The following TRAP1 variants were observed in gnomAD, a reference collection of about 807,000 sequenced individuals.
TRAP1 encodes the protein TNF receptor associated protein 1.
In TRAP1, 102 loss-of-function variants were observed where a neutral mutation model predicts 89.1. The ratio of observed to expected loss-of-function variants is 1.15; its 90% CI spans 0.98 to 1.35. The LOEUF is 1.35. Ranked by LOEUF, TRAP1 falls within the 40% of genes most tolerant of loss-of-function variation. The pLI, the probability that TRAP1 is intolerant of heterozygous loss-of-function variation, is 0.00. For synonymous variants in TRAP1, 508 were observed against 388.0 expected (o/e 1.31, Z -3.64); for missense variants, 1,256 against 945.3 (o/e 1.33, Z -4.31).
intron 1 of TRAP1, among the ~76,000 whole-genome samples, chr16:3,712,647 G>A (rs1049532377): frequency 3.9e-5 from 6 of 152,012 alleles, no homozygotes; most frequent in East Asian, 1.9e-4. Flanking sequence ...TTGCACTGTC[G>A]CCCAGGAGGG....
chr16:3,665,843 GGCA>G (rs577251188), intron 12 of TRAP1, 125 bp downstream of exon 12: 623 of 1,201,114 alleles, frequency 5.2e-4, no homozygotes, highest in Admixed American at 1.9e-3. Flanking sequence ...TGACCCTGGT[GGCA>G]GCAGCAGCAG....
chr16:3,690,897 G>C lies in TRAP1; in HGVS notation c.177C>G (p.Phe59Leu), dbSNP rs767379047. The C allele has an allele frequency of 6.9e-6, 11 of 1,593,384 alleles. No homozygotes were observed. Among genetic ancestry groups the C allele is most frequent in the South Asian group, 1.1e-5 (1 of 88,258 alleles). The change falls in exon 2 of 18, where the codon TTC becomes TTG. Residue 59 changes from phenylalanine to leucine, a missense_variant. Physicochemically the swap from Phe to Leu is conservative, Grantham distance 22. Transcript: ENST00000246957. ...PAWSLQAGRL[F>L]STQTAEDKEE... ...CCTTGTCCTCGGCGGTCTGCGTGCT[G>C]AACAGTCGTCCTGCCTGCAAGCTCC...
intron 1 of TRAP1, among the ~76,000 whole-genome samples, chr16:3,697,629 A>G (rs1022318889): frequency 6.9e-6 from 1 of 144,978 alleles, no homozygotes; most frequent in African/African-American, 2.6e-5. Context: ...GCGCCACTGC[A>G]CTCCACCCTG....
At chr16:3,674,568 C>T in intron 8 of TRAP1, 74 bp from the exon 9 acceptor site, 1 of 1,548,984 alleles carries the variant, frequency 6.5e-7, no homozygotes. Context: ...CAGGCCTGAG[C>T]CAGTGCAGCG....
At chr16:3,663,625 G>A (rs1267626237) in intron 13 of TRAP1, 63 bp from the exon 14 acceptor site, 1 of 1,601,196 alleles carries the variant, frequency 6.2e-7, no homozygotes, top group Non-Finnish European at 8.5e-7. Context: ...CAGAAGAAAG[G>A]ATGAGGGCGG....
intron 1 of TRAP1, among the ~76,000 whole-genome samples, chr16:3,717,033 C>T (rs1463881295): frequency 6.6e-6 from 1 of 152,254 alleles, no homozygotes; most frequent in Non-Finnish European, 1.5e-5. Context: ...CACGATCACC[C>T]CGAGTGAGTC....
intron 5 of TRAP1, 146 bp downstream of exon 5, chr16:3,679,573 A>C (rs2051046964): frequency 2.5e-6 from 2 of 789,776 alleles, no homozygotes; most frequent in Non-Finnish European, 4.2e-6. Context: ...GATGGCTGTC[A>C]TGTCATGAGG....
chr16:3,663,821 C>T (rs1186058646), intron 13 of TRAP1: 4 of 481,024 alleles, frequency 8.3e-6, no homozygotes, highest in South Asian at 2.6e-5. Flanking sequence ...CGCCTGTAAT[C>T]CCAGCACTTT....
At chr16:3,671,852 C>T (rs899571215) in intron 10 of TRAP1, 61 bp from the exon 11 acceptor site, 57 of 1,543,054 alleles carry the variant, frequency 3.7e-5, no homozygotes, top group Non-Finnish European at 5.1e-5. Flanking sequence ...CCCAACATTC[C>T]CCATTAACCT....
chr16:3,677,907 G>C, intron 5 of TRAP1: 1 of 467,722 alleles, frequency 2.1e-6, no homozygotes, highest in Middle Eastern at 5.9e-4. Flanking sequence ...TCACAGTCCT[G>C]CCTGTCCCAG....
chr16:3,702,507 C>T (rs893288917), intron 1 of TRAP1, among the ~76,000 whole-genome samples: 2 of 151,808 alleles, frequency 1.3e-5, no homozygotes, highest in Non-Finnish European at 1.5e-5. Context: ...CTCTAGGAGG[C>T]TGAGGCAGGC....
At chr16:3,685,396 T>C (rs74005847) in intron 4 of TRAP1, among the ~76,000 whole-genome samples, 4,052 of 152,210 alleles carry the variant, frequency 0.027, 182 homozygotes, top group African/African-American at 0.092. Context: ...TTATGTGGCA[T>C]GACCTTCAGA....
chr16:3,665,986 G>A lies in TRAP1; in HGVS notation c.1368C>T (p.Thr456=), dbSNP rs201237207. 1.6e-4 allele frequency: 263 copies of A among 1,613,598 alleles called. No homozygotes were observed. The highest frequency in any genetic ancestry group is 1.9e-4 in the Non-Finnish European group (221 of 1,179,902). ...GCTCCTATACCTTGACCTCCTGCTC[G>A]GTGGCGGTCACAATGCCCTCCCGCA... ...LFMREGIVTA[T]EQEVKEDIAK... Residue 456 remains threonine (T), a synonymous_variant, in exon 12 of 18, where the codon ACC becomes ACT. Coordinates refer to ENST00000246957, the MANE Select transcript of TRAP1 (RefSeq NM_016292.3).
chr16:3,708,572 G>A (rs138572542), intron 1 of TRAP1, among the ~76,000 whole-genome samples: 3,732 of 152,192 alleles, frequency 0.025, 145 homozygotes, highest in African/African-American at 0.085. Context: ...GGGAGACGGA[G>A]GTTGCAGTGA....
At chr16:3,674,555 G>A (rs537920715) in intron 8 of TRAP1, 61 bp from the exon 9 acceptor site, 19 of 1,578,854 alleles carry the variant, frequency 1.2e-5, no homozygotes, top group South Asian at 8.1e-5. Context: ...CTCCACCACC[G>A]TGCAGGCCTG....
chr16:3,717,324 A>G, intron 1 of TRAP1, 97 bp downstream of exon 1: 1 of 429,114 alleles, frequency 2.3e-6, no homozygotes. Context: ...ACGCCTGTGA[A>G]GCAGGTGCCG....
intron 14 of TRAP1, 114 bp downstream of exon 14, chr16:3,663,310 G>A: frequency 7.1e-7 from 1 of 1,405,698 alleles, no homozygotes; most frequent in Non-Finnish European, 9.7e-7. Context: ...CTTCTCGGGG[G>A]TGGCTGAGCC....
At chr16:3,717,106 GCTAC>G (rs2051607736) in intron 1 of TRAP1, among the ~76,000 whole-genome samples, 1 of 152,216 alleles carries the variant, frequency 6.6e-6, no homozygotes, top group Admixed American at 6.5e-5. Context: ...CTGCACGTGC[GCTAC>G]CTGACTGGAC....
chr16:3,690,831 C>A lies in TRAP1; in HGVS notation c.243G>T (p.Val81=). The A allele has an allele frequency of 6.7e-7, 1 of 1,483,454 alleles. No homozygotes were observed. The highest frequency in any genetic ancestry group is 9.0e-7 in the Non-Finnish European group (1 of 1,111,886). 91.9% of individuals were successfully genotyped at this position (1,483,454 alleles called of 1,614,324 possible). ...LHSIISSTES[V]QGSTSKHEFQ... is the part of the protein sequence containing the mutation. ...CAAAGCACGAGCCAAGGCTACCCTGCACGCTCTCTGTGCTGCTGATAATCG... is the reference window on the plus strand; with the variant it reads ...CAAAGCACGAGCCAAGGCTACCCTGAACGCTCTCTGTGCTGCTGATAATCG... Residue 81 remains valine (V), a synonymous_variant, in exon 2 of 18, where the codon GTG becomes GTT. Transcript: ENST00000246957.
Sources: allele counts gnomAD v4.1 joint callset (sites outside exome capture counted in the v4.1 genomes callset), GRCh38; gene constraint gnomAD v4.1.1; transcripts MANE v1.5; gene names NCBI Gene and HGNC (gene_info 2026-07-23, HGNC 2026-07-21).